Variants in PMFBP1 observed in about 807,000 individuals in gnomAD.
PMFBP1 encodes polyamine modulated factor 1 binding protein 1.
PMFBP1 carries 131 observed loss-of-function variants against 137.8 expected under a neutral mutation model. The ratio of observed to expected loss-of-function variants is 0.95; its 90% CI spans 0.82 to 1.10. The LOEUF (loss-of-function observed/expected upper bound fraction) is 1.10. Among genes scored for constraint, PMFBP1 ranks in the 50% least tolerant of loss-of-function variants. The pLI is 0.00. For missense variants in PMFBP1, 1,199 were observed against 1,175.4 expected (o/e 1.02, Z -0.29); for synonymous variants, 490 against 450.4 (o/e 1.09, Z -1.11).
intron 4 of PMFBP1, among the ~76,000 whole-genome samples, chr16:72,153,921 T>TACACACAC (rs3223525): frequency 8.4e-4 from 113 of 134,042 alleles, no homozygotes; most frequent in South Asian, 2.8e-3. Context: ...GATGGACTTA[T>TACACACAC]ACACACACAC....
At chr16:72,176,258 AG>A (rs2043259208), upstream of PMFBP1, among the ~76,000 whole-genome samples, 1 of 152,216 alleles carries the variant, frequency 6.6e-6, no homozygotes, top group African/African-American at 2.4e-5. Context: ...CAGGAGGAGC[AG>A]GAGAAGGAAT....
chr16:72,193,982 CT>C, the PMFBP1 span, among the ~76,000 whole-genome samples: 2,911 of 129,950 alleles, frequency 0.022, 27 homozygotes, highest in Non-Finnish European at 0.033. Flanking sequence ...ATCAAGGCTG[CT>C]TTTTTTTTTT....
At chr16:72,244,934 C>T in the PMFBP1 span, among the ~76,000 whole-genome samples, 10 of 152,260 alleles carry the variant, frequency 6.6e-5, no homozygotes, top group East Asian at 7.7e-4. Flanking sequence ...CAAGGGGCCC[C>T]GCTGCGTGAT....
the PMFBP1 span, among the ~76,000 whole-genome samples, chr16:72,197,347 G>T: frequency 6.6e-6 from 1 of 152,176 alleles, no homozygotes; most frequent in Non-Finnish European, 1.5e-5. Flanking sequence ...GGCCTTGTTA[G>T]CAACCCTGCA....
chr16:72,170,174 C>G (rs2043200888), intron 2 of PMFBP1, among the ~76,000 whole-genome samples: 1 of 151,430 alleles, frequency 6.6e-6, no homozygotes, highest in African/African-American at 2.4e-5. Flanking sequence ...TGAAGGTGCT[C>G]CAAAGATATA....
chr16:72,164,446 C>A (rs571142770), intron 3 of PMFBP1: 2 of 1,359,318 alleles, frequency 1.5e-6, no homozygotes, highest in East Asian at 4.2e-5. Flanking sequence ...AGACGCTGCT[C>A]CCCTTGTATC....
At position 72,135,349 on chromosome 16, in the gene PMFBP1, G is replaced by GTT. The variant is rs1450866880; in HGVS notation, c.1203+1098_1203+1099insAA. On this transcript the variant is annotated intron_variant, in intron 9 of 20. Transcript: ENST00000237353. ...CACCACCATGCCTGGCTAATTTTGT[G>GTT]TGTGTGTGTGTTTTTTTTTTTTTTT... Among the ~76,000 whole-genome samples, 4 of 145,578 alleles carry GTT rather than the reference G, an allele frequency of 2.7e-5. No homozygotes were observed. In the East Asian group the frequency reaches 6.2e-4, roughly 22 times the overall value.
chr16:72,207,739 T>TGC, the PMFBP1 span, among the ~76,000 whole-genome samples: 1 of 151,754 alleles, frequency 6.6e-6, no homozygotes, highest in African/African-American at 2.4e-5. Flanking sequence ...TGTGTGTGTG[T>TGC]GTGCATATTG....
chr16:72,153,088 T>G (rs1248172255), intron 4 of PMFBP1, among the ~76,000 whole-genome samples: 1 of 152,202 alleles, frequency 6.6e-6, no homozygotes, highest in African/African-American at 2.4e-5. Flanking sequence ...GAATCCCAAC[T>G]CATTCAGGGT....
At chr16:72,235,645 C>A in the PMFBP1 span, among the ~76,000 whole-genome samples, 1 of 151,908 alleles carries the variant, frequency 6.6e-6, no homozygotes, top group African/African-American at 2.4e-5. Flanking sequence ...CAATCCATGA[C>A]CATTTATTTA....
upstream of PMFBP1, among the ~76,000 whole-genome samples, chr16:72,180,968 C>T (rs1013179937): frequency 5.9e-5 from 9 of 152,282 alleles, no homozygotes; most frequent in South Asian, 2.1e-4. Flanking sequence ...TCGCCGGGAG[C>T]GGTAGCTCAG....
chr16:72,122,130 C>T (rs1351070072), intron 19 of PMFBP1, among the ~76,000 whole-genome samples: 4 of 152,198 alleles, frequency 2.6e-5, no homozygotes, highest in Admixed American at 6.5e-5. Flanking sequence ...CTCCCACTTA[C>T]AAGTGAGAAC....
chr16:72,242,923 G>T, the PMFBP1 span, among the ~76,000 whole-genome samples: 1 of 152,198 alleles, frequency 6.6e-6, no homozygotes, highest in Non-Finnish European at 1.5e-5. Flanking sequence ...AGCGACGAAG[G>T]CGTTCATATT....
the PMFBP1 span, among the ~76,000 whole-genome samples, chr16:72,213,264 C>T: frequency 1.3e-5 from 2 of 152,170 alleles, no homozygotes; most frequent in Admixed American, 6.5e-5. Flanking sequence ...TCAGACTCCC[C>T]GTAGTCCTTT....
the PMFBP1 span, among the ~76,000 whole-genome samples, chr16:72,182,968 G>C: frequency 1.3e-5 from 2 of 152,092 alleles, no homozygotes; most frequent in Non-Finnish European, 2.9e-5. Context: ...GAAGGTCAGT[G>C]GGGGAGGGGA....
At position 72,133,877 on chromosome 16, in the gene PMFBP1, C is replaced by T. The variant is rs557622430; in HGVS notation, c.1204-886G>A. Reference sequence around the variant, plus strand: ...AGTAATGCAGGACCCCGGAAGTATGCAGGCCGAGGCAGGTGGATCACTTGA... The same window carrying T: ...AGTAATGCAGGACCCCGGAAGTATGTAGGCCGAGGCAGGTGGATCACTTGA... On this transcript the variant is annotated intron_variant, in intron 9 of 20. Coordinates refer to ENST00000237353, the MANE Select transcript of PMFBP1 (RefSeq NM_031293.3). 3.9e-5 allele frequency among the ~76,000 whole-genome samples: 6 copies of T among 152,154 alleles called. No individual in the cohort carries two copies. The East Asian group carries it at 1.2e-3, about 30-fold the overall frequency.
At chr16:72,155,658 C>T (rs970965203) in intron 3 of PMFBP1, among the ~76,000 whole-genome samples, 3 of 152,164 alleles carry the variant, frequency 2.0e-5, no homozygotes, top group East Asian at 1.9e-4. Context: ...CTTCTAATAC[C>T]GTGGCTTTCA....
At chr16:72,180,824 AC>A (rs2043273589), upstream of PMFBP1, among the ~76,000 whole-genome samples, 1 of 152,282 alleles carries the variant, frequency 6.6e-6, no homozygotes, top group East Asian at 1.9e-4. Flanking sequence ...GAGGGAGGAA[AC>A]CCCAGTGCTC....
chr16:72,247,359 C>T, the PMFBP1 span, among the ~76,000 whole-genome samples: 1 of 152,162 alleles, frequency 6.6e-6, no homozygotes, highest in East Asian at 1.9e-4. Context: ...TTACAAAAAG[C>T]TGAGTGTACA....
Sources: gnomAD v4.1 joint callset for allele counts (sites outside exome capture counted in the v4.1 genomes callset) on GRCh38, gnomAD v4.1.1 for gene constraint, MANE v1.5 for transcripts, NCBI Gene and HGNC (gene_info 2026-07-23, HGNC 2026-07-21) for gene names.